Variants in CD33 observed in about 807,000 individuals in gnomAD.
CD33 encodes CD33 molecule, also known as myeloid cell surface antigen CD33.
In CD33, 25 loss-of-function variants were observed where a neutral mutation model predicts 31.4. That is an observed-to-expected ratio of 0.80 (90% CI 0.58 to 1.11). The LOEUF (loss-of-function observed/expected upper bound fraction) is 1.11, where lower values mean the gene tolerates loss of function less well. Ranked by LOEUF, CD33 falls within the 50% of genes most tolerant of loss-of-function variation. CD33 has a pLI of 0.00. For synonymous variants in CD33, 176 were observed against 180.6 expected (o/e 0.97, Z 0.20); for missense variants, 407 against 448.1 (o/e 0.91, Z 0.83).
chr19:51,222,315 C>T (rs192715405), upstream of CD33, among the ~76,000 whole-genome samples: 88 of 152,274 alleles, frequency 5.8e-4, 2 homozygotes, highest in Non-Finnish European at 2.5e-4. Flanking sequence ...AAAGTCAAAA[C>T]CATTTTGGAC....
chr19:51,212,187 G>A, the CD33 span: 1 of 402,358 alleles, frequency 2.5e-6, no homozygotes, highest in Non-Finnish European at 4.8e-6. Context: ...TGGCTGAGTA[G>A]AAGACCTAGG....
chr19:51,230,354 G>A (rs1459431312), intron 4 of CD33, among the ~76,000 whole-genome samples: 1 of 152,160 alleles, frequency 6.6e-6, no homozygotes, highest in African/African-American at 2.4e-5. Flanking sequence ...CGGTTGAAAT[G>A]TTCTGTAAAT....
At chr19:51,227,842 T>A (rs1371317205) in intron 4 of CD33, among the ~76,000 whole-genome samples, 2 of 152,188 alleles carry the variant, frequency 1.3e-5, no homozygotes, top group Non-Finnish European at 2.9e-5. Flanking sequence ...TAGTATTTTT[T>A]AAATTTTGTG....
chr19:51,211,361 G>C, the CD33 span: 76 of 1,555,530 alleles, frequency 4.9e-5, no homozygotes, highest in Non-Finnish European at 6.1e-5. Flanking sequence ...TTCCGGGAAG[G>C]AGCCATTGTA....
the CD33 span, chr19:51,211,686 T>G: frequency 1.0e-6 from 1 of 969,010 alleles, no homozygotes; most frequent in South Asian, 1.6e-5. Context: ...GGGTTGGGAA[T>G]GAAGCCTGTC....
intron 4 of CD33, among the ~76,000 whole-genome samples, chr19:51,228,191 G>C (rs1048047155): frequency 4.6e-5 from 7 of 152,138 alleles, no homozygotes; most frequent in Non-Finnish European, 7.4e-5. Context: ...AAATCTTGTA[G>C]TGTGATACCT....
the CD33 span, among the ~76,000 whole-genome samples, chr19:51,216,753 A>G: frequency 6.6e-6 from 1 of 152,184 alleles, no homozygotes; most frequent in Non-Finnish European, 1.5e-5. Context: ...ATAGGATGGC[A>G]ATATATGTTT....
chr19:51,224,915 G>A (rs1710389), upstream of CD33: 51 of 653,062 alleles, frequency 7.8e-5, no homozygotes, highest in South Asian at 1.5e-4. Flanking sequence ...TCTCTGGGCG[G>A]GTCTCTGGCA....
At chr19:51,217,928 C>A in the CD33 span, among the ~76,000 whole-genome samples, 2 of 152,162 alleles carry the variant, frequency 1.3e-5, no homozygotes, top group African/African-American at 4.8e-5. Flanking sequence ...TTTTCTTTAT[C>A]CAATCATCCA....
At chr19:51,211,966 C>G in the CD33 span, 1 of 1,235,516 alleles carries the variant, frequency 8.1e-7, no homozygotes, top group Non-Finnish European at 1.2e-6. Flanking sequence ...TCAGTGCTCA[C>G]GATCATCCCA....
intron 4 of CD33, among the ~76,000 whole-genome samples, chr19:51,233,345 C>T (rs1431736751): frequency 6.6e-6 from 1 of 152,220 alleles, no homozygotes; most frequent in Non-Finnish European, 1.5e-5. Flanking sequence ...AAGACCTTTC[C>T]TCCAGCTGGA....
intron 4 of CD33, among the ~76,000 whole-genome samples, chr19:51,228,179 T>C (rs1009806287): frequency 6.6e-6 from 1 of 152,246 alleles, no homozygotes; most frequent in Non-Finnish European, 1.5e-5. Flanking sequence ...TTTGAAATTT[T>C]GAAATCTTGT....
At chr19:51,223,670 T>C (rs546126907), upstream of CD33, among the ~76,000 whole-genome samples, 2 of 152,176 alleles carry the variant, frequency 1.3e-5, no homozygotes, top group Non-Finnish European at 2.9e-5. Flanking sequence ...AATGGCAGCA[T>C]GAATGGAAAA....
At chr19:51,239,426 C>G in intron 6 of CD33, 92 bp from the exon 7 acceptor site, 1 of 881,744 alleles carries the variant, frequency 1.1e-6, no homozygotes, top group Non-Finnish European at 1.7e-6. Context: ...AATGTTCTGT[C>G]AGAGTCAAAT....
At chr19:51,234,547 G>A (rs901512300) in intron 4 of CD33, among the ~76,000 whole-genome samples, 1 of 152,106 alleles carries the variant, frequency 6.6e-6, no homozygotes, top group Non-Finnish European at 1.5e-5. Flanking sequence ...TGGACAGTGA[G>A]CCCAGTGAGA....
the CD33 span, among the ~76,000 whole-genome samples, chr19:51,220,037 C>G: frequency 6.6e-6 from 1 of 152,168 alleles, no homozygotes; most frequent in African/African-American, 2.4e-5. Context: ...ATACTGGCTT[C>G]ATAGAATGAG....
the CD33 span, chr19:51,211,661 C>A: frequency 1.8e-6 from 2 of 1,136,982 alleles, no homozygotes; most frequent in African/African-American, 1.6e-5. Flanking sequence ...GGGATGGGAC[C>A]CATGTCCTGG....
upstream of CD33, among the ~76,000 whole-genome samples, chr19:51,224,135 T>C (rs570745197): frequency 1.3e-5 from 2 of 152,302 alleles, no homozygotes; most frequent in Admixed American, 6.5e-5. Flanking sequence ...TCTTACAGAC[T>C]AAGAGTTTTT....
At chr19:51,218,194 T>A in the CD33 span, among the ~76,000 whole-genome samples, 1 of 152,234 alleles carries the variant, frequency 6.6e-6, no homozygotes, top group Non-Finnish European at 1.5e-5. Flanking sequence ...CATCTGTTAT[T>A]TCTTGACTTT....
Sources: gnomAD v4.1 joint callset for allele counts (sites outside exome capture counted in the v4.1 genomes callset) on GRCh38, gnomAD v4.1.1 for gene constraint, MANE v1.5 for transcripts, NCBI Gene and HGNC (gene_info 2026-07-23, HGNC 2026-07-21) for gene names.